UBAC2: variants seen among roughly 807,000 people sequenced by gnomAD.
UBAC2 encodes UBA domain containing 2, also known as ubiquitin-associated domain-containing protein 2.
UBAC2 carries 26 observed loss-of-function variants against 44.0 expected under a neutral mutation model. The observed-to-expected ratio is 0.59, with a 90% confidence interval of 0.43 to 0.82. UBAC2 has a LOEUF of 0.82. UBAC2 is among the 40% of genes least tolerant of loss of function. The probability of loss-of-function intolerance (pLI) is 0.00; values close to 1 mark genes in which losing one functional copy is unlikely to be tolerated. For synonymous variants in UBAC2, 155 were observed against 154.3 expected (o/e 1.00, Z -0.04); for missense variants, 329 against 419.4 (o/e 0.78, Z 1.88).
intron 4 of UBAC2, among the ~76,000 whole-genome samples, chr13:99,280,238 C>T (rs2043934412): frequency 6.6e-6 from 1 of 152,214 alleles, no homozygotes; most frequent in Non-Finnish European, 1.5e-5. Context: ...TGACACACCT[C>T]AGAGCTCCAG....
chr13:99,276,835 G>A (rs749319825), intron 4 of UBAC2, among the ~76,000 whole-genome samples: 6 of 152,196 alleles, frequency 3.9e-5, no homozygotes, highest in Non-Finnish European at 8.8e-5. Flanking sequence ...AGGTGATGCC[G>A]AAGATTTTTT....
chr13:99,258,660 G>A lies in UBAC2; in HGVS notation c.389+14036G>A, dbSNP rs530365558. The A allele has an allele frequency of 2.6e-5, 4 of 152,304 alleles. No homozygotes were observed. The East Asian group carries it at 5.8e-4, about 22-fold the overall frequency. The allele number at this position is 152,304 out of a possible 1,614,324, so 9.4% of individuals were successfully genotyped here. On this transcript the variant is annotated intron_variant, in intron 4 of 8. Transcript: ENST00000403766. ...AGCTTCTTTGCTTTATAAGCTATGTGACTTTGTCTAGTTACCTACCCACTC... is the reference window on the plus strand; with the variant it reads ...AGCTTCTTTGCTTTATAAGCTATGTAACTTTGTCTAGTTACCTACCCACTC...
At chr13:99,261,129 C>A (rs1487847088) in intron 4 of UBAC2, among the ~76,000 whole-genome samples, 1 of 152,208 alleles carries the variant, frequency 6.6e-6, no homozygotes, top group Non-Finnish European at 1.5e-5. Context: ...GTGAGGGCAG[C>A]TTATCCTTGT....
intron 7 of UBAC2, among the ~76,000 whole-genome samples, chr13:99,349,978 C>G (rs977738527): frequency 6.6e-6 from 1 of 152,128 alleles, no homozygotes; most frequent in African/African-American, 2.4e-5. Flanking sequence ...CTGGCATTAC[C>G]GCTTGACCAA....
intron 4 of UBAC2, among the ~76,000 whole-genome samples, chr13:99,297,788 C>T (rs2044198235): frequency 6.6e-6 from 1 of 151,076 alleles, no homozygotes; most frequent in East Asian, 1.9e-4. Flanking sequence ...TATTACAGGA[C>T]AGAGACTATC....
intron 4 of UBAC2, among the ~76,000 whole-genome samples, chr13:99,283,599 T>C (rs1227712910): frequency 1.3e-5 from 2 of 152,028 alleles, no homozygotes; most frequent in Non-Finnish European, 2.9e-5. Flanking sequence ...ATGAGAAAGC[T>C]GAGGGTCTGA....
chr13:99,328,338 T>C (rs1416634114), intron 6 of UBAC2, among the ~76,000 whole-genome samples: 1 of 152,232 alleles, frequency 6.6e-6, no homozygotes, highest in Non-Finnish European at 1.5e-5. Context: ...CATTTGTGTG[T>C]GGACATATGT....
At chr13:99,271,370 C>T (rs1032910844) in intron 4 of UBAC2, among the ~76,000 whole-genome samples, 1 of 152,102 alleles carries the variant, frequency 6.6e-6, no homozygotes, top group Non-Finnish European at 1.5e-5. Context: ...ACTGCCAGTG[C>T]CAAGGCCCTC....
At chr13:99,364,786 T>C (rs562861770) in intron 7 of UBAC2, among the ~76,000 whole-genome samples, 2 of 152,338 alleles carry the variant, frequency 1.3e-5, no homozygotes, top group Admixed American at 6.5e-5. Context: ...GTCATTCTGG[T>C]TCATTCATTC....
At chr13:99,217,557 G>A (rs1288738356) in intron 1 of UBAC2, among the ~76,000 whole-genome samples, 1 of 152,138 alleles carries the variant, frequency 6.6e-6, no homozygotes, top group Non-Finnish European at 1.5e-5. Context: ...GACTTCTTGG[G>A]TCCTTGAACA....
intron 4 of UBAC2, among the ~76,000 whole-genome samples, chr13:99,303,439 T>TA (rs1472394713): frequency 6.6e-6 from 1 of 152,232 alleles, no homozygotes. Flanking sequence ...CTTTCACTGG[T>TA]AAAAGCCACC....
At chr13:99,375,889 G>T (rs1183321003) in intron 8 of UBAC2, among the ~76,000 whole-genome samples, 1 of 134,662 alleles carries the variant, frequency 7.4e-6, no homozygotes, top group Admixed American at 8.5e-5. Context: ...CCGCAACCTC[G>T]ACCTCCTGGG....
At chr13:99,242,182 C>T (rs2043310134) in intron 2 of UBAC2, among the ~76,000 whole-genome samples, 1 of 152,250 alleles carries the variant, frequency 6.6e-6, no homozygotes, top group South Asian at 2.1e-4. Flanking sequence ...AATCTTTTCC[C>T]CACCTTTCCC....
At chr13:99,310,618 C>T (rs1437012987) in intron 4 of UBAC2, among the ~76,000 whole-genome samples, 1 of 152,124 alleles carries the variant, frequency 6.6e-6, no homozygotes, top group East Asian at 1.9e-4. Flanking sequence ...TAATTTTGGT[C>T]TGAAATGTGT....
At chr13:99,208,543 A>G (rs2042901775) in intron 1 of UBAC2, among the ~76,000 whole-genome samples, 2 of 152,262 alleles carry the variant, frequency 1.3e-5, no homozygotes, top group Non-Finnish European at 2.9e-5. Context: ...AAAAGTGTCC[A>G]GTTCAATATA....
intron 4 of UBAC2, among the ~76,000 whole-genome samples, chr13:99,300,384 CCTAATATGTCA>C (rs1196967937): frequency 1.3e-5 from 2 of 152,132 alleles, no homozygotes; most frequent in Non-Finnish European, 2.9e-5. Context: ...GCTAGCTGGC[CCTAATATGTCA>C]CTTTAGTTCT....
In UBAC2 at chr13:99,243,890, G is replaced by T; in HGVS notation, c.218G>T (p.Ser73Ile). ...ICLDLKDTFCSSLLIYNFRIF... is the reference protein window; with the variant it reads ...ICLDLKDTFCISLLIYNFRIF... ...CTTGATTTGAAAGATACTTTCTGCA[G>T]TAGTCTGCTTATTTATAATTTTAGG... Residue 73 changes from serine (S) to isoleucine (I), a missense_variant, in exon 3 of 9, where the codon AGT becomes ATT. Coordinates refer to ENST00000403766, the MANE Select transcript of UBAC2 (RefSeq NM_001144072.2). The T allele has an allele frequency of 6.4e-7, 1 of 1,568,568 alleles. No individual in the cohort carries two copies.
chr13:99,354,324 C>T (rs1221360836), intron 7 of UBAC2, among the ~76,000 whole-genome samples: 1 of 152,198 alleles, frequency 6.6e-6, no homozygotes, highest in Non-Finnish European at 1.5e-5. Flanking sequence ...GCCTGAGGCT[C>T]CTTTTTGAGA....
At chr13:99,330,171 A>T (rs1190803053) in intron 6 of UBAC2, among the ~76,000 whole-genome samples, 1 of 152,086 alleles carries the variant, frequency 6.6e-6, no homozygotes, top group Non-Finnish European at 1.5e-5. Flanking sequence ...GTAGAAATAC[A>T]GCTGATTGGC....
Sources: gnomAD v4.1 joint callset for allele counts (sites outside exome capture counted in the v4.1 genomes callset) on GRCh38, gnomAD v4.1.1 for gene constraint, MANE v1.5 for transcripts, NCBI Gene and HGNC (gene_info 2026-07-23, HGNC 2026-07-21) for gene names.